LRMDA: variants seen among roughly 807,000 people sequenced by gnomAD.
LRMDA encodes leucine rich melanocyte differentiation associated, also known as leucine-rich melanocyte differentiation-associated protein.
Under a neutral mutation model 29.8 loss-of-function variants are expected in LRMDA, and 18 were observed. The observed-to-expected ratio is 0.60, with a 90% CI of 0.42 to 0.90. The LOEUF (loss-of-function observed/expected upper bound fraction) is 0.90, where lower values mean the gene tolerates loss of function less well. LRMDA is among the 40% of genes least tolerant of loss of function. The pLI is 0.00. For missense variants in LRMDA, 273 were observed against 273.9 expected (o/e 1.00, Z 0.02); for synonymous variants, 125 against 109.4 (o/e 1.14, Z -0.89).
chr10:76,378,722 C>T, intron 6 of LRMDA, among the ~76,000 whole-genome samples: 2 of 151,840 alleles, frequency 1.3e-5, no homozygotes. Flanking sequence ...TGGAATAAAA[C>T]CCACTTGATT....
At chr10:75,495,418 G>C (rs1177645554) in intron 2 of LRMDA, among the ~76,000 whole-genome samples, 3 of 151,950 alleles carry the variant, frequency 2.0e-5, no homozygotes, top group African/African-American at 7.3e-5. Flanking sequence ...GGCATGGAGG[G>C]GACCATTTTT....
At chr10:76,046,146 T>C (rs1848435357) in intron 3 of LRMDA, among the ~76,000 whole-genome samples, 2 of 152,014 alleles carry the variant, frequency 1.3e-5, no homozygotes, top group South Asian at 4.1e-4. Context: ...TAACCCTCTC[T>C]CATATGTCTC....
chr10:76,438,375 T>C (rs1842266716), intron 6 of LRMDA, among the ~76,000 whole-genome samples: 1 of 152,190 alleles, frequency 6.6e-6, no homozygotes, highest in Non-Finnish European at 1.5e-5. Context: ...ACAATACTCA[T>C]TGCATGACAG....
intron 6 of LRMDA, among the ~76,000 whole-genome samples, chr10:76,452,514 C>A (rs930853636): frequency 2.0e-5 from 3 of 151,752 alleles, no homozygotes; most frequent in African/African-American, 7.3e-5. Context: ...AGATATCCAT[C>A]AGGTAAAGAT....
intron 2 of LRMDA, among the ~76,000 whole-genome samples, chr10:75,457,932 G>A (rs1844540132): frequency 6.6e-6 from 1 of 152,128 alleles, no homozygotes; most frequent in Non-Finnish European, 1.5e-5. Context: ...CTAGTTTGAA[G>A]CTCAGAGTCA....
intron 6 of LRMDA, among the ~76,000 whole-genome samples, chr10:76,495,754 C>T (rs1417847198): frequency 6.6e-6 from 1 of 151,650 alleles, no homozygotes; most frequent in Non-Finnish European, 1.5e-5. Flanking sequence ...CTAAGTATTT[C>T]ATGTATTTGG....
At chr10:75,576,965 C>T (rs1469492284) in intron 2 of LRMDA, among the ~76,000 whole-genome samples, 2 of 152,136 alleles carry the variant, frequency 1.3e-5, no homozygotes. Flanking sequence ...TTCCAAAATC[C>T]AGAATGCTTC....
intron 6 of LRMDA, among the ~76,000 whole-genome samples, chr10:76,383,463 G>T (rs530673060): frequency 9.7e-5 from 12 of 124,162 alleles, no homozygotes; most frequent in African/African-American, 3.9e-4. Flanking sequence ...TCGCTCTGTC[G>T]CCCAGGCCGG....
intron 6 of LRMDA, among the ~76,000 whole-genome samples, chr10:76,379,161 TTGTGTGTGTGTGTGTGTG>T (rs57245101): frequency 3.6e-5 from 5 of 137,856 alleles, no homozygotes; most frequent in Non-Finnish European, 6.2e-5. Flanking sequence ...CTGGCCTTCT[TTGTGTGTGTGTGTGTGTG>T]TGTGTGTGTG....
chr10:75,653,953 T>C (rs1474058613), intron 2 of LRMDA, among the ~76,000 whole-genome samples: 1 of 152,226 alleles, frequency 6.6e-6, no homozygotes, highest in Non-Finnish European at 1.5e-5. Context: ...AATTTGTAGT[T>C]GTCCAGCATT....
chr10:76,516,515 C>A (rs892211329), intron 6 of LRMDA, among the ~76,000 whole-genome samples: 2 of 151,830 alleles, frequency 1.3e-5, no homozygotes, highest in African/African-American at 4.8e-5. Context: ...CCACAACAGT[C>A]CCCAGAGTGT....
chr10:76,262,758 A>C (rs1019085801), intron 5 of LRMDA, among the ~76,000 whole-genome samples: 1 of 152,032 alleles, frequency 6.6e-6, no homozygotes, highest in South Asian at 2.1e-4. Context: ...TTTTTCCCCA[A>C]AGCAAACCCT....
chr10:76,254,300 T>TATACCATACCATACCATACC (rs1554859356), intron 5 of LRMDA, among the ~76,000 whole-genome samples: 2,818 of 90,366 alleles, frequency 0.031, 85 homozygotes, highest in Admixed American at 0.042. Context: ...TATACTATAC[T>TATACCATACCATACCATACC]ATACCATACC....
intron 6 of LRMDA, among the ~76,000 whole-genome samples, chr10:76,484,222 C>T (rs1243492662): frequency 6.6e-6 from 1 of 151,512 alleles, no homozygotes; most frequent in East Asian, 2.0e-4. Context: ...TCCTCCTCCT[C>T]CATCTTCTCC....
intron 2 of LRMDA, among the ~76,000 whole-genome samples, chr10:75,899,499 T>A (rs1302971454): frequency 6.6e-6 from 1 of 152,234 alleles, no homozygotes; most frequent in African/African-American, 2.4e-5. Context: ...ACAATGTAAA[T>A]GCATCTTCTC....
rs1175148935 is a variant in LRMDA, at chr10:75,780,308, A to G, written c.132-255700A>G. Among the ~76,000 whole-genome samples, 5 of 152,216 alleles carry G rather than the reference A, an allele frequency of 3.3e-5. No individual in the cohort carries two copies. In the East Asian group the frequency reaches 9.6e-4, roughly 29 times the overall value. ...TTTTTTGCTATATTGACTAGAACTC[A>G]AACCAACTGTGAGGGAGAATGTCAA... On this transcript the variant is annotated intron_variant, in intron 2 of 6. Coordinates refer to ENST00000611255, the MANE Select transcript of LRMDA (RefSeq NM_001305581.2).
chr10:76,549,660 A>G (rs1417442253), intron 6 of LRMDA, among the ~76,000 whole-genome samples: 3 of 152,218 alleles, frequency 2.0e-5, no homozygotes, highest in Admixed American at 1.3e-4. Context: ...TTGTGCTAAG[A>G]AATGAATAAA....
chr10:75,845,753 C>A (rs1844623675), intron 2 of LRMDA, among the ~76,000 whole-genome samples: 2 of 152,104 alleles, frequency 1.3e-5, no homozygotes, highest in African/African-American at 4.8e-5. Flanking sequence ...GGGAGATCGG[C>A]TTTGTTGAAT....
In LRMDA at chr10:76,191,587, A is replaced by T. The variant is rs201594100; in HGVS notation, c.516+132804A>T. ...ATGTGGCTGGTGAGTTGGAGAGTGG[A>T]TAGAAGGCAGGTGTTTGCTTCTAAA... On this transcript the variant is annotated intron_variant, in intron 5 of 6. Coordinates refer to ENST00000611255, the MANE Select transcript of LRMDA (RefSeq NM_001305581.2). Among the ~76,000 whole-genome samples the T allele has an allele frequency of 1.1e-4, 17 of 152,234 alleles. No individual in the cohort carries two copies. The East Asian group carries it at 3.1e-3, about 28-fold the overall frequency.
Sources: allele counts gnomAD v4.1 joint callset (sites outside exome capture counted in the v4.1 genomes callset), GRCh38; gene constraint gnomAD v4.1.1; transcripts MANE v1.5; gene names NCBI Gene and HGNC (gene_info 2026-07-23, HGNC 2026-07-21).